VAV2: variants seen among roughly 807,000 people sequenced by gnomAD.
VAV2 encodes guanine nucleotide exchange factor VAV2.
In VAV2, 67 loss-of-function variants were observed where a neutral mutation model predicts 132.5. The ratio of observed to expected loss-of-function variants is 0.51; its 90% CI spans 0.42 to 0.62. The LOEUF is 0.62. VAV2 is among the 20% of genes least tolerant of loss of function. The probability of loss-of-function intolerance (pLI) is 0.00; values close to 1 mark genes in which losing one functional copy is unlikely to be tolerated. For missense variants in VAV2, 938 were observed against 1,153.6 expected, an observed-to-expected ratio of 0.81 and a Z score of 2.71; for synonymous variants, 492 against 443.5, an observed-to-expected ratio of 1.11 and a Z score of -1.37.
rs529388132 is a variant in VAV2 at position 133,959,829 on chromosome 9, G to A, written c.205-20610C>T. ...GGCAGAGGCTGGCCAGCCAAGGAGG[G>A]CCCAGAGCCGCAGGAGGTGGGGGAG... On this transcript the variant is annotated intron_variant, in intron 1 of 29. Transcript: ENST00000371850. Among the ~76,000 whole-genome samples the A allele has an allele frequency of 1.3e-3, 195 of 152,298 alleles. 1 individual carries two copies. Among genetic ancestry groups the A allele is most frequent in the South Asian group, 9.8e-3 (47 of 4,818 alleles).
intron 19 of VAV2, among the ~76,000 whole-genome samples, chr9:133,781,887 G>A (rs939347831): frequency 2.0e-5 from 3 of 152,234 alleles, no homozygotes; most frequent in Non-Finnish European, 2.9e-5. Context: ...GCTTCCAAAA[G>A]ACCTGCAGTT....
chr9:133,940,340 C>T (rs1222985778), intron 1 of VAV2, among the ~76,000 whole-genome samples: 1 of 152,178 alleles, frequency 6.6e-6, no homozygotes, highest in African/African-American at 2.4e-5. Flanking sequence ...AATAACCGTC[C>T]CCTATGGACA....
Position 133,779,946 on chromosome 9 carries a change from G to A in VAV2, c.1741-7C>T. 6.2e-7 allele frequency: 1 copy of A among 1,612,490 alleles called. No homozygotes were observed. Among genetic ancestry groups the A allele is most frequent in the South Asian group, 1.1e-5 (1 of 90,912 alleles). ...GTCCCGCTCCGGAGGCGTCCTGTGA[G>A]GACAAGGACAGAACACAGAGATGAG... On this transcript the variant is annotated splice_region_variant and splice_polypyrimidine_tract_variant and intron_variant, in intron 20 of 29. Coordinates refer to ENST00000371850, the MANE Select transcript of VAV2 (RefSeq NM_001134398.2).
chr9:133,957,342 C>T (rs1044964999), intron 1 of VAV2, among the ~76,000 whole-genome samples: 3 of 152,106 alleles, frequency 2.0e-5, no homozygotes, highest in African/African-American at 7.2e-5. Flanking sequence ...AACATGAAAC[C>T]GACAAGAACT....
chr9:133,811,186 C>T (rs958392999), intron 5 of VAV2, among the ~76,000 whole-genome samples: 6 of 152,308 alleles, frequency 3.9e-5, no homozygotes, highest in Middle Eastern at 3.4e-3. Context: ...CGAGACCCTT[C>T]GAGGACAAGC....
Position 133,935,161 on chromosome 9 carries a change from C to T in VAV2, c.321+3942G>A, listed in dbSNP as rs1301512584. Among the ~76,000 whole-genome samples the T allele has an allele frequency of 2.0e-5, 3 of 152,214 alleles. No individual in the cohort carries two copies. Among genetic ancestry groups the T allele is most frequent in the African/African-American group, 7.2e-5 (3 of 41,442 alleles). On this transcript the variant is annotated intron_variant, in intron 2 of 29. Transcript: ENST00000371850. The surrounding 1 kb of genome is among the most constrained non-coding windows in gnomAD (Gnocchi z 5.2). ...GGGGGAGGGCACGCAGCCATATCTTCATGGTCTGAGGTTGCTGGAGGCCGC... is the reference window on the plus strand; with the variant it reads ...GGGGGAGGGCACGCAGCCATATCTTTATGGTCTGAGGTTGCTGGAGGCCGC...
intron 4 of VAV2, among the ~76,000 whole-genome samples, chr9:133,814,793 C>T (rs752346969): frequency 2.6e-5 from 4 of 152,104 alleles, no homozygotes; most frequent in Admixed American, 6.5e-5. Context: ...CGGTTGCTGA[C>T]GACATGCAAC....
At chr9:133,940,672 CGTGTGT>C (rs60265901) in intron 1 of VAV2, among the ~76,000 whole-genome samples, 39,837 of 139,218 alleles carry the variant, frequency 0.29, 5,369 homozygotes, top group East Asian at 0.43. Context: ...TGTCCACGTG[CGTGTGT>C]GTGTGTGTGT....
chr9:133,973,667 G>C (rs912210283), intron 1 of VAV2, among the ~76,000 whole-genome samples: 1 of 152,220 alleles, frequency 6.6e-6, no homozygotes, highest in Non-Finnish European at 1.5e-5. Context: ...CAGTGATCAA[G>C]GTGGCAGGTG....
chr9:133,853,612 C>T (rs1837271180), intron 3 of VAV2, among the ~76,000 whole-genome samples: 1 of 152,108 alleles, frequency 6.6e-6, no homozygotes, highest in Admixed American at 6.5e-5. Context: ...AGCCAACCCA[C>T]ACATGCCGCC....
intron 2 of VAV2, among the ~76,000 whole-genome samples, chr9:133,915,038 T>C (rs539323981): frequency 5.3e-5 from 8 of 152,172 alleles, no homozygotes; most frequent in Non-Finnish European, 7.4e-5. Context: ...GTGCTGTGTC[T>C]GGGAATCTTG....
intron 1 of VAV2, among the ~76,000 whole-genome samples, chr9:133,960,253 G>A (rs1390492749): frequency 6.6e-6 from 1 of 152,178 alleles, no homozygotes; most frequent in African/African-American, 2.4e-5. Flanking sequence ...AGGTCAGGGC[G>A]CCCTCCGGGA....
chr9:133,927,183 G>A (rs566724108), intron 2 of VAV2, among the ~76,000 whole-genome samples: 37 of 152,238 alleles, frequency 2.4e-4, no homozygotes, highest in Admixed American at 1.8e-3. Flanking sequence ...CTGGGGACAC[G>A]AAACCTGAGA....
chr9:133,940,708 T>TGTGTGTGTGTGTGTG (rs59859289), intron 1 of VAV2, among the ~76,000 whole-genome samples: 8 of 149,816 alleles, frequency 5.3e-5, no homozygotes, highest in Non-Finnish European at 8.9e-5. Flanking sequence ...TGTGTGTGTG[T>TGTGTGTGTGTGTGTG]TTCTGAACAC....
intron 2 of VAV2, among the ~76,000 whole-genome samples, chr9:133,865,073 A>G (rs1588285937): frequency 6.6e-6 from 1 of 152,338 alleles, no homozygotes; most frequent in East Asian, 1.9e-4. Context: ...CCCAGAGCCC[A>G]GGCACCGAAA....
chr9:133,938,697 C>G (rs1841018194), intron 2 of VAV2, among the ~76,000 whole-genome samples: 1 of 152,140 alleles, frequency 6.6e-6, no homozygotes, highest in African/African-American at 2.4e-5. Context: ...CCTCATCTCC[C>G]CAGCCCCTTA....
At chr9:133,858,069 T>G (rs971304312) in intron 3 of VAV2, among the ~76,000 whole-genome samples, 1 of 152,204 alleles carries the variant, frequency 6.6e-6, no homozygotes, top group Non-Finnish European at 1.5e-5. Flanking sequence ...CCCCTCCACA[T>G]GCCGAAGACA....
In VAV2 at chr9:133,788,742, C is replaced by T. The variant is rs989853265; in HGVS notation, c.1275-256G>A. Among the ~76,000 whole-genome samples the T allele has an allele frequency of 5.3e-5, 8 of 152,120 alleles. No homozygotes were observed. Among genetic ancestry groups the T allele is most frequent in the Admixed American group, 5.2e-4 (8 of 15,288 alleles). On this transcript the variant is annotated intron_variant, in intron 14 of 29. Coordinates refer to ENST00000371850, the MANE Select transcript of VAV2 (RefSeq NM_001134398.2). The surrounding 1 kb of genome is among the most constrained non-coding windows in gnomAD (Gnocchi z 5.3). ...CCAGGAGCCCTTCAAGGGGCTCCTG[C>T]ATCCCCCACGCTGGCCTCCCATGCA...
At chr9:133,891,589 G>GATA (rs2131975156) in intron 2 of VAV2, among the ~76,000 whole-genome samples, 1 of 25,674 alleles carries the variant, frequency 3.9e-5, no homozygotes. Context: ...GGGAAGGAGG[G>GATA]AAGGGAGGGA....
Sources: gnomAD v4.1 joint callset for allele counts (sites outside exome capture counted in the v4.1 genomes callset) on GRCh38, gnomAD v4.1.1 for gene constraint, Gnocchi (gnomAD v3.1) non-coding constraint, MANE v1.5 for transcripts, NCBI Gene and HGNC (gene_info 2026-07-23, HGNC 2026-07-21) for gene names.